The following LRMDA variants were observed in gnomAD, a reference collection of about 807,000 sequenced individuals.
LRMDA encodes the protein leucine-rich melanocyte differentiation-associated protein.
A neutral mutation model predicts 29.8 loss-of-function variants in LRMDA; 18 were observed. The observed-to-expected ratio is 0.60, with a 90% CI of 0.42 to 0.90. The LOEUF is 0.90. Ranked by LOEUF, LRMDA falls within the 40% of genes least tolerant of loss-of-function variation. The probability of loss-of-function intolerance (pLI) is 0.00; values close to 1 mark genes in which losing one functional copy is unlikely to be tolerated. For missense variants in LRMDA, 273 were observed against 273.9 expected (o/e 1.00, Z 0.02); for synonymous variants, 125 against 109.4 (o/e 1.14, Z -0.89).
At chr10:76,219,257 C>T (rs1316480687) in intron 5 of LRMDA, among the ~76,000 whole-genome samples, 1 of 152,122 alleles carries the variant, frequency 6.6e-6, no homozygotes, top group African/African-American at 2.4e-5. Context: ...AAAATTCACA[C>T]ATAACAATAT....
In LRMDA at chr10:75,552,923, T is replaced by G. The variant is rs193138290; in HGVS notation, c.131+114429T>G. Among the ~76,000 whole-genome samples, 58 of 152,276 alleles carry G rather than the reference T, an allele frequency of 3.8e-4. 4 individuals are homozygous for G. The highest frequency in any genetic ancestry group is 1.3e-3 in the African/African-American group (54 of 41,566). ...TTTGACTCATTTTAAAGAAAAAGTT[T>G]CCATTTCTCTTTTACAATTATTTAT... is the stretch of plus-strand genomic sequence containing the variant. On this transcript the variant is annotated intron_variant, in intron 2 of 6. Transcript: ENST00000611255.
At chr10:75,551,046 T>C (rs1407156924) in intron 2 of LRMDA, among the ~76,000 whole-genome samples, 1 of 151,988 alleles carries the variant, frequency 6.6e-6, no homozygotes, top group Admixed American at 6.6e-5. Context: ...TTATCTTTTT[T>C]TTTTAACCTG....
At chr10:75,974,813 T>G (rs566645350) in intron 2 of LRMDA, among the ~76,000 whole-genome samples, 1 of 152,310 alleles carries the variant, frequency 6.6e-6, no homozygotes, top group South Asian at 2.1e-4. Flanking sequence ...ACCTGGCACA[T>G]AGTGAGAGTT....
At chr10:76,506,738 TG>T (rs1842963321) in intron 6 of LRMDA, among the ~76,000 whole-genome samples, 1 of 151,608 alleles carries the variant, frequency 6.6e-6, no homozygotes, top group Admixed American at 6.6e-5. Flanking sequence ...TTTCTTTTTG[TG>T]CCTGGCTTAT....
At chr10:75,885,094 G>A (rs1845362483) in intron 2 of LRMDA, among the ~76,000 whole-genome samples, 1 of 152,158 alleles carries the variant, frequency 6.6e-6, no homozygotes, top group Admixed American at 6.5e-5. Flanking sequence ...GAGGCTGGGG[G>A]ATGACAGTAG....
chr10:75,843,919 G>A (rs1169525509), intron 2 of LRMDA, among the ~76,000 whole-genome samples: 1 of 152,166 alleles, frequency 6.6e-6, no homozygotes, highest in Non-Finnish European at 1.5e-5. Flanking sequence ...AAGGTGAGAA[G>A]GGGAGGTGGT....
chr10:75,829,975 G>A (rs1035049395), intron 2 of LRMDA, among the ~76,000 whole-genome samples: 2 of 151,462 alleles, frequency 1.3e-5, no homozygotes, highest in African/African-American at 2.4e-5. Context: ...GCAGTGAAAG[G>A]GCTTCCCTCC....
At chr10:76,112,179 G>A (rs747013808) in intron 5 of LRMDA, among the ~76,000 whole-genome samples, 8 of 152,172 alleles carry the variant, frequency 5.3e-5, no homozygotes, top group Non-Finnish European at 1.2e-4. Context: ...AGGGCGGACG[G>A]GGACCCCTGT....
At chr10:76,455,098 G>C (rs970848396) in intron 6 of LRMDA, among the ~76,000 whole-genome samples, 2 of 152,168 alleles carry the variant, frequency 1.3e-5, no homozygotes, top group African/African-American at 4.8e-5. Flanking sequence ...CTGCAGGAGA[G>C]AGTAAGAGAG....
At chr10:76,490,630 G>C (rs1842824640) in intron 6 of LRMDA, among the ~76,000 whole-genome samples, 1 of 151,802 alleles carries the variant, frequency 6.6e-6, no homozygotes, top group Non-Finnish European at 1.5e-5. Flanking sequence ...ATTGACATAG[G>C]ATATCTTTTT....
At chr10:75,961,600 A>G (rs1372257863) in intron 2 of LRMDA, among the ~76,000 whole-genome samples, 1 of 152,196 alleles carries the variant, frequency 6.6e-6, no homozygotes, top group Non-Finnish European at 1.5e-5. Flanking sequence ...CAGAGCTCCT[A>G]CTTCTCAGTC....
chr10:76,331,385 A>G (rs1170668071), intron 6 of LRMDA, among the ~76,000 whole-genome samples: 1 of 152,228 alleles, frequency 6.6e-6, no homozygotes, highest in East Asian at 1.9e-4. Context: ...GCCTGCTTAT[A>G]TATTGCCTTC....
chr10:76,315,018 G>A (rs910417510), intron 5 of LRMDA, among the ~76,000 whole-genome samples: 1 of 152,172 alleles, frequency 6.6e-6, no homozygotes, highest in African/African-American at 2.4e-5. Context: ...TTCTTTGCCA[G>A]GCACCTTTGA....
In LRMDA at chr10:76,329,891, A is replaced by G. The variant is rs574043208; in HGVS notation, c.601+5406A>G. 2.6e-4 allele frequency among the ~76,000 whole-genome samples: 40 copies of G among 152,364 alleles called. 1 individual carries two copies. The South Asian group carries it at 3.1e-3, about 12-fold the overall frequency. ...TTTTTAGCCTGAGATATCATAAAAT[A>G]CGTTTCCACAGAAGACATAAATACA... On this transcript the variant is annotated intron_variant, in intron 6 of 6. Coordinates refer to ENST00000611255, the MANE Select transcript of LRMDA (RefSeq NM_001305581.2).
At chr10:75,718,349 C>A (rs888657699) in intron 2 of LRMDA, among the ~76,000 whole-genome samples, 2 of 152,160 alleles carry the variant, frequency 1.3e-5, no homozygotes, top group African/African-American at 2.4e-5. Flanking sequence ...CAGTTCAGGT[C>A]AGAGACTTGG....
At chr10:75,496,032 A>C (rs1051771778) in intron 2 of LRMDA, among the ~76,000 whole-genome samples, 16 of 152,192 alleles carry the variant, frequency 1.1e-4, no homozygotes, top group African/African-American at 3.9e-4. Context: ...TAATCTGATG[A>C]GTTGTGCTAC....
At chr10:76,045,898 A>C (rs1051180816) in intron 3 of LRMDA, among the ~76,000 whole-genome samples, 3 of 152,184 alleles carry the variant, frequency 2.0e-5, no homozygotes, top group Non-Finnish European at 4.4e-5. Flanking sequence ...TGACAAGTTG[A>C]AATGAAGTAT....
intron 2 of LRMDA, among the ~76,000 whole-genome samples, chr10:75,833,669 A>ATATTTACATGTTGGATGTGTTTT (rs1844384208): frequency 6.6e-6 from 1 of 152,210 alleles, no homozygotes; most frequent in African/African-American, 2.4e-5. Context: ...TAAAAATAAC[A>ATATTTACATGTTGGATGTGTTTT]AATCTCATGA....
intron 6 of LRMDA, among the ~76,000 whole-genome samples, chr10:76,509,922 G>A (rs188813584): frequency 3.9e-5 from 6 of 152,304 alleles, no homozygotes; most frequent in African/African-American, 1.4e-4. Flanking sequence ...TGCCAAGCAG[G>A]TATATGTAAA....
Sources: allele counts gnomAD v4.1 joint callset (sites outside exome capture counted in the v4.1 genomes callset), GRCh38; gene constraint gnomAD v4.1.1; transcripts MANE v1.5; gene names NCBI Gene and HGNC (gene_info 2026-07-23, HGNC 2026-07-21).